ZDHHC11B: variants seen among roughly 807,000 people sequenced by gnomAD.
ZDHHC11B encodes the protein probable palmitoyltransferase ZDHHC11B.
A neutral mutation model predicts 42.3 loss-of-function variants in ZDHHC11B; 17 were observed. That is an observed-to-expected ratio of 0.40 (90% CI 0.27 to 0.60). The LOEUF is 0.60. Ranked by LOEUF, ZDHHC11B falls within the 20% of genes least tolerant of loss-of-function variation. ZDHHC11B has a pLI of 0.41. For synonymous variants in ZDHHC11B, 123 were observed against 193.5 expected (o/e 0.64, Z 3.02); for missense variants, 262 against 463.2 (o/e 0.57, Z 3.99).
intron 10 of ZDHHC11B, among the ~76,000 whole-genome samples, chr5:736,972 A>C (rs1743595121): frequency 7.0e-6 from 1 of 142,174 alleles, no homozygotes; most frequent in African/African-American, 2.6e-5. Context: ...ACATCAGAGC[A>C]GAACTAAATG....
At chr5:750,065 G>A (rs1745401079) in intron 7 of ZDHHC11B, among the ~76,000 whole-genome samples, 1 of 105,264 alleles carries the variant, frequency 9.5e-6, no homozygotes, top group Non-Finnish European at 2.0e-5. Flanking sequence ...TCTGGAACAA[G>A]GGCAGGCAAG....
chr5:744,089 G>C (rs1177301743), intron 9 of ZDHHC11B, among the ~76,000 whole-genome samples: 2 of 149,840 alleles, frequency 1.3e-5, no homozygotes, highest in Non-Finnish European at 3.0e-5. Context: ...GCATGATTGC[G>C]TGGTTACCGT....
Position 748,703 on chromosome 5 carries a change from C to A in ZDHHC11B, c.629-144G>T. 2.9e-6 allele frequency: 3 copies of A among 1,030,190 alleles called. 1 individual carries two copies. The allele number at this position is 1,030,190 out of a possible 1,614,324, so 63.8% of individuals were successfully genotyped here. A position where few individuals can be genotyped will look rare whatever the true frequency, so the allele number is the denominator to read the frequency against. On this transcript the variant is annotated intron_variant, in intron 7 of 13. Coordinates refer to ENST00000508859, the MANE Select transcript of ZDHHC11B (RefSeq NM_001351303.2). ...GATGCCTCCCTGCCCTGGTGGACAC[C>A]TTCCTTACCTGAGTGCCCCATGGGC...
At chr5:759,096 A>C (rs1213489966) in intron 4 of ZDHHC11B, among the ~76,000 whole-genome samples, 1 of 151,934 alleles carries the variant, frequency 6.6e-6, no homozygotes, top group Non-Finnish European at 1.5e-5. Flanking sequence ...AAAAAGTAAA[A>C]GAAGTAGAGT....
chr5:750,915 G>C (rs1301868935), intron 7 of ZDHHC11B, among the ~76,000 whole-genome samples: 2 of 120,144 alleles, frequency 1.7e-5, no homozygotes, highest in Admixed American at 2.0e-4. Context: ...GAGCAGCGTG[G>C]CCAGCGCCCT....
intron 1 of ZDHHC11B, among the ~76,000 whole-genome samples, chr5:770,679 G>A (rs1414289710): frequency 2.0e-5 from 3 of 152,030 alleles, no homozygotes; most frequent in Admixed American, 6.5e-5. Flanking sequence ...CTTTAGGCTG[G>A]GGAGGGTGTG....
At chr5:744,209 C>T (rs1466791692) in intron 9 of ZDHHC11B, among the ~76,000 whole-genome samples, 5 of 149,884 alleles carry the variant, frequency 3.3e-5, no homozygotes, top group Admixed American at 1.4e-4. Context: ...CTGCCCCATG[C>T]TGCTCGATTT....
At chr5:778,037 G>A (rs1023964499) in intron 1 of ZDHHC11B, among the ~76,000 whole-genome samples, 15 of 151,882 alleles carry the variant, frequency 9.9e-5, no homozygotes, top group African/African-American at 3.1e-4. Flanking sequence ...TGGGGGACCC[G>A]GCGCACCTCC....
Position 775,597 on chromosome 5 carries a change from G to A in ZDHHC11B, c.-229-6667C>T, listed in dbSNP as rs866363964. Among the ~76,000 whole-genome samples the A allele has an allele frequency of 1.3e-4, 19 of 151,910 alleles. 1 individual carries two copies. The highest frequency in any genetic ancestry group is 2.0e-4 in the Admixed American group (3 of 15,262). ...CGCGTGCTTCTGCCTGGCAGGAGCC[G>A]ATGCTCGTGCCCTGGAGAACTCCCT... is the stretch of plus-strand genomic sequence containing the variant. On this transcript the variant is annotated intron_variant, in intron 1 of 13. Coordinates refer to ENST00000508859, the MANE Select transcript of ZDHHC11B (RefSeq NM_001351303.2).
chr5:711,724 G>C lies in ZDHHC11B; in HGVS notation c.*566C>G. The C allele has an allele frequency of 6.4e-6, 1 of 155,282 alleles. No homozygotes were observed. The highest frequency in any genetic ancestry group is 5.2e-4 in the Middle Eastern group (1 of 1,914). 9.6% of individuals were successfully genotyped at this position (155,282 alleles called of 1,614,324 possible). A position where few individuals can be genotyped will look rare whatever the true frequency, so the allele number is the denominator to read the frequency against. ...CTGTGCTCCCATTTCCCAGTACTTT[G>C]TGCTCCCATTTCCCAGCACTGTGCT... On this transcript the variant is annotated 3_prime_UTR_variant, in exon 14 of 14. Transcript: ENST00000508859.
intron 6 of ZDHHC11B, among the ~76,000 whole-genome samples, chr5:754,343 A>G (rs796774853): frequency 0.034 from 487 of 14,264 alleles, 118 homozygotes; most frequent in Non-Finnish European, 0.046. Context: ...AAGACCTCTC[A>G]TCTGTGAGCC....
chr5:741,846 C>T (rs1169746692), intron 9 of ZDHHC11B, among the ~76,000 whole-genome samples: 1 of 135,610 alleles, frequency 7.4e-6, no homozygotes, highest in Non-Finnish European at 1.6e-5. Context: ...ATATATTAGA[C>T]ATTTATCTTT....
chr5:725,412 G>A (rs1426546734), intron 12 of ZDHHC11B, among the ~76,000 whole-genome samples: 21 of 134,860 alleles, frequency 1.6e-4, no homozygotes, highest in South Asian at 1.3e-3. Context: ...CTAAGCCCCC[G>A]GTGTGTGGTA....
In ZDHHC11B at chr5:765,709, C is replaced by T. The variant is rs566460614; in HGVS notation, c.222+989G>A. Among the ~76,000 whole-genome samples, 48 of 152,018 alleles carry T rather than the reference C, an allele frequency of 3.2e-4. 1 individual carries two copies. Among genetic ancestry groups the T allele is most frequent in the African/African-American group, 1.0e-3 (42 of 41,454 alleles). ...CACTGCCTTTATGAGCTCTAACACT[C>T]GCAGTGAAGGTCTGCAGCTTCATTC... is the stretch of plus-strand genomic sequence containing the variant. On this transcript the variant is annotated intron_variant, in intron 4 of 13. Coordinates refer to ENST00000508859, the MANE Select transcript of ZDHHC11B (RefSeq NM_001351303.2).
rs673534 is a variant in ZDHHC11B, at chr5:736,230, C to T, written c.936-2391G>A. Among the ~76,000 whole-genome samples the T allele has an allele frequency of 4.7e-5, 7 of 149,932 alleles. 1 individual carries two copies. Among genetic ancestry groups the T allele is most frequent in the East Asian group, 4.1e-4 (2 of 4,918 alleles). On this transcript the variant is annotated intron_variant, in intron 10 of 13. Coordinates refer to ENST00000508859, the MANE Select transcript of ZDHHC11B (RefSeq NM_001351303.2). Reference sequence around the variant, plus strand: ...CAGTTAAGAAAGACAAAGAGCAACACTATACGATGATAAAAGAATCACTCC... The same window carrying T: ...CAGTTAAGAAAGACAAAGAGCAACATTATACGATGATAAAAGAATCACTCC...
chr5:757,456 T>A (rs1299202029), intron 4 of ZDHHC11B, among the ~76,000 whole-genome samples: 3 of 151,874 alleles, frequency 2.0e-5, no homozygotes, highest in African/African-American at 7.3e-5. Flanking sequence ...TCAGGCAACG[T>A]TGGGACAGGT....
chr5:741,914 C>T (rs1561137488), intron 9 of ZDHHC11B, among the ~76,000 whole-genome samples: 1 of 15,192 alleles, frequency 6.6e-5, no homozygotes, highest in African/African-American at 8.1e-4. Flanking sequence ...CATTTAACTC[C>T]CACGCAGGAG....
At chr5:712,782 A>C (rs1269535023) in intron 13 of ZDHHC11B, among the ~76,000 whole-genome samples, 3 of 151,618 alleles carry the variant, frequency 2.0e-5, no homozygotes, top group South Asian at 2.1e-4. Context: ...GGTGGCGGGC[A>C]ACTGTAGGCC....
intron 6 of ZDHHC11B, among the ~76,000 whole-genome samples, chr5:753,818 C>T (rs1198996154): frequency 3.2e-5 from 3 of 92,662 alleles, no homozygotes; most frequent in African/African-American, 8.8e-5. Context: ...AGGGCAGGGA[C>T]CCCCCGGTGC....
Sources: gnomAD v4.1 joint callset for allele counts (sites outside exome capture counted in the v4.1 genomes callset) on GRCh38, gnomAD v4.1.1 for gene constraint, MANE v1.5 for transcripts, NCBI Gene and HGNC (gene_info 2026-07-23, HGNC 2026-07-21) for gene names.